The following VPS13B variants were observed in gnomAD, a reference collection of about 807,000 sequenced individuals.
VPS13B encodes the protein intermembrane lipid transfer protein VPS13B.
VPS13B carries 285 observed loss-of-function variants against 426.4 expected under a neutral mutation model. The observed-to-expected ratio is 0.67, with a 90% CI of 0.61 to 0.74. The LOEUF (loss-of-function observed/expected upper bound fraction) is 0.74. Among genes scored for constraint, VPS13B ranks in the 30% least tolerant of loss-of-function variants. The probability of loss-of-function intolerance (pLI) is 0.00; values close to 1 mark genes in which losing one functional copy is unlikely to be tolerated. For missense variants in VPS13B, 4,537 were observed against 4,782.6 expected, an observed-to-expected ratio of 0.95 and a Z score of 1.51; for synonymous variants, 1,676 against 1,676.4, an observed-to-expected ratio of 1.00 and a Z score of 0.01.
chr8:99,131,233 T>C (rs1344140325), intron 8 of VPS13B, among the ~76,000 whole-genome samples: 3 of 152,226 alleles, frequency 2.0e-5, no homozygotes, highest in African/African-American at 4.8e-5. Flanking sequence ...TATCACAGTA[T>C]ATTTGTCAAA....
chr8:99,452,234 A>T (rs1352955762), intron 23 of VPS13B, among the ~76,000 whole-genome samples: 1 of 152,012 alleles, frequency 6.6e-6, no homozygotes, highest in Non-Finnish European at 1.5e-5. Context: ...TACAAACATG[A>T]CTTCATCCTT....
At chr8:99,458,172 G>GT (rs1818606296) in intron 23 of VPS13B, among the ~76,000 whole-genome samples, 1 of 151,002 alleles carries the variant, frequency 6.6e-6, no homozygotes, top group Non-Finnish European at 1.5e-5. Context: ...GCGGTGTTTG[G>GT]TTTTTTGTCC....
chr8:99,643,524 G>T (rs1423468066), intron 34 of VPS13B, among the ~76,000 whole-genome samples: 1 of 152,116 alleles, frequency 6.6e-6, no homozygotes, highest in Non-Finnish European at 1.5e-5. Flanking sequence ...AGGGTTTAGT[G>T]CAAGTCCCCT....
At chr8:99,352,956 T>G (rs1193044838) in intron 19 of VPS13B, among the ~76,000 whole-genome samples, 1 of 152,058 alleles carries the variant, frequency 6.6e-6, no homozygotes, top group East Asian at 1.9e-4. Context: ...TCTAATGAAT[T>G]TACTTAAAAA....
chr8:99,533,784 A>G (rs1823052255), intron 30 of VPS13B, among the ~76,000 whole-genome samples: 1 of 152,174 alleles, frequency 6.6e-6, no homozygotes, highest in Non-Finnish European at 1.5e-5. Flanking sequence ...AAGGTATGGC[A>G]TCTCTCCTTT....
At chr8:99,726,845 C>CA (rs986769557) in intron 39 of VPS13B, among the ~76,000 whole-genome samples, 1 of 152,070 alleles carries the variant, frequency 6.6e-6, no homozygotes, top group African/African-American at 2.4e-5. Context: ...CATGAGCCAC[C>CA]AAAAATTCTA....
Position 99,781,475 on chromosome 8 carries a change from T to C in VPS13B, c.7779+2444T>C, listed in dbSNP as rs200241395. The stretch of plus-strand genomic sequence containing the variant: ...AGTGAGCATTCTGAGGCTCAACATC[T>C]ATGATGTGACGTCAAATACATGTGA... On this transcript the variant is annotated intron_variant, in intron 42 of 61. Transcript: ENST00000357162. Among the ~76,000 whole-genome samples, 11 of 152,306 alleles carry C rather than the reference T, an allele frequency of 7.2e-5. No homozygotes were observed. In the East Asian group the frequency reaches 1.5e-3, roughly 21 times the overall value.
chr8:99,772,206 CT>C (rs765185137), intron 40 of VPS13B, among the ~76,000 whole-genome samples: 8,576 of 140,394 alleles, frequency 0.061, 270 homozygotes, highest in African/African-American at 0.096. Context: ...ATTACTCTTC[CT>C]TTTTTTTTTT....
In VPS13B at chr8:99,193,138, T is replaced by G. The variant is rs894941125; in HGVS notation, c.2515+81T>G. ...ATATTTTATTATGAAAATCCATATG[T>G]CTAGCATGGTCAACTTAAATTGTAA... On this transcript the variant is annotated intron_variant, in intron 17 of 61. Transcript: ENST00000357162. 2.2e-6 allele frequency: 3 copies of G among 1,345,070 alleles called. No individual in the cohort carries two copies. In the African/African-American group the frequency reaches 4.4e-5, roughly 20 times the overall value. 83.3% of individuals were successfully genotyped at this position (1,345,070 alleles called of 1,614,324 possible). A position where few individuals can be genotyped will look rare whatever the true frequency, so the allele number is the denominator to read the frequency against.
At chr8:99,463,025 T>A (rs1171450255) in intron 23 of VPS13B, among the ~76,000 whole-genome samples, 1 of 152,210 alleles carries the variant, frequency 6.6e-6, no homozygotes, top group Non-Finnish European at 1.5e-5. Flanking sequence ...AGCTATCCAT[T>A]CCATGGCACT....
chr8:99,682,865 G>A (rs1831211674), intron 35 of VPS13B, among the ~76,000 whole-genome samples: 1 of 152,156 alleles, frequency 6.6e-6, no homozygotes, highest in Admixed American at 6.5e-5. Context: ...TGCTGTCCAG[G>A]AGCCAGGGCC....
intron 19 of VPS13B, among the ~76,000 whole-genome samples, chr8:99,296,518 G>A (rs1232841506): frequency 6.6e-6 from 1 of 152,094 alleles, no homozygotes; most frequent in Non-Finnish European, 1.5e-5. Flanking sequence ...TTCTAGTATA[G>A]TTAAATCTTT....
At chr8:99,674,303 G>T (rs535656269) in intron 35 of VPS13B, among the ~76,000 whole-genome samples, 1 of 151,910 alleles carries the variant, frequency 6.6e-6, no homozygotes, top group Non-Finnish European at 1.5e-5. Context: ...ATGTTATGCC[G>T]TCTTGCTGAA....
At chr8:99,342,523 T>C (rs3134174) in intron 19 of VPS13B, among the ~76,000 whole-genome samples, 112,627 of 151,962 alleles carry the variant, frequency 0.74, 42,410 homozygotes, top group South Asian at 0.87. Context: ...CTTATTTCAC[T>C]TAGTATAATG....
intron 17 of VPS13B, among the ~76,000 whole-genome samples, chr8:99,270,353 G>A (rs1416460050): frequency 2.0e-5 from 3 of 151,518 alleles, no homozygotes; most frequent in African/African-American, 7.3e-5. Context: ...TGGCCAGGCT[G>A]GTCTTAAACT....
At chr8:99,798,027 G>GT (rs1812939400) in intron 43 of VPS13B, among the ~76,000 whole-genome samples, 1 of 152,056 alleles carries the variant, frequency 6.6e-6, no homozygotes, top group African/African-American at 2.4e-5. Flanking sequence ...CCGAGTGGCA[G>GT]TAACAAGCTT....
At chr8:99,044,490 TTATC>T (rs1843119097) in intron 3 of VPS13B, among the ~76,000 whole-genome samples, 2 of 152,050 alleles carry the variant, frequency 1.3e-5, no homozygotes, top group Admixed American at 1.3e-4. Context: ...TTTTGTTTAT[TTATC>T]TTTTAAATTT....
intron 31 of VPS13B, among the ~76,000 whole-genome samples, chr8:99,560,564 A>G (rs754569791): frequency 5.3e-5 from 8 of 152,196 alleles, no homozygotes. Flanking sequence ...TCCTTCACTG[A>G]CAAGTGATTG....
chr8:99,821,381 C>A lies in VPS13B; in HGVS notation c.9082C>A (p.Pro3028Thr). 6.2e-7 allele frequency: 1 copy of A among 1,613,778 alleles called. No homozygotes were observed. The highest frequency in any genetic ancestry group is 2.2e-5 in the East Asian group (1 of 44,846). Residue 3028 changes from proline to threonine, a missense_variant, in exon 50 of 62, where the codon CCA becomes ACA. Pro to Thr is a conservative substitution (Grantham distance 38, BLOSUM62 -1). Around this residue, in one of 2 missense-constraint regions of VPS13B, gnomAD observed 4,311 missense variants for 4,474.3 expected, o/e 0.96. Coordinates refer to ENST00000357162, the MANE Select transcript of VPS13B (RefSeq NM_152564.5). ...TAAACTGGTCCATAACCTGACATCT[C>A]CAAAGTGGAAAGATGGAGGTAATGG... is the stretch of plus-strand genomic sequence containing the variant. ...AIKLVHNLTS[P>T]KWKDGGNGEV...
Sources: gnomAD v4.1 joint callset for allele counts (sites outside exome capture counted in the v4.1 genomes callset) on GRCh38, gnomAD v4.1.1 for gene constraint, gnomAD v4.1.1 regional missense constraint, MANE v1.5 for transcripts, NCBI Gene and HGNC (gene_info 2026-07-23, HGNC 2026-07-21) for gene names.